Variants in GARNL3 observed in about 807,000 individuals in gnomAD.
The protein encoded by GARNL3 is GTPase-activating Rap/Ran-GAP domain-like protein 3.
A neutral mutation model predicts 125.0 loss-of-function variants in GARNL3; 63 were observed. That is an observed-to-expected ratio of 0.50 (90% CI 0.41 to 0.62). The LOEUF (loss-of-function observed/expected upper bound fraction) is 0.62, where lower values mean the gene tolerates loss of function less well. Ranked by LOEUF, GARNL3 falls within the 20% of genes least tolerant of loss-of-function variation. The pLI is 0.00. For synonymous variants in GARNL3, 439 were observed against 457.5 expected, an observed-to-expected ratio of 0.96 and a Z score of 0.52; for missense variants, 994 against 1,244.0, an observed-to-expected ratio of 0.80 and a Z score of 3.02.
chr9:127,311,012 G>A (rs868147386), intron 2 of GARNL3, among the ~76,000 whole-genome samples: 34 of 152,162 alleles, frequency 2.2e-4, no homozygotes, highest in Middle Eastern at 3.4e-3. Flanking sequence ...GTATGCAAAC[G>A]TGGAATTAGA....
chr9:127,375,894 G>A (rs1280555878), intron 22 of GARNL3, among the ~76,000 whole-genome samples: 4 of 152,208 alleles, frequency 2.6e-5, no homozygotes, highest in African/African-American at 9.6e-5. Flanking sequence ...CAAGAAGCAT[G>A]TGAGTGCACC....
At chr9:127,329,110 A>C (rs985898899) in intron 7 of GARNL3, among the ~76,000 whole-genome samples, 1 of 152,230 alleles carries the variant, frequency 6.6e-6, no homozygotes, top group Non-Finnish European at 1.5e-5. Context: ...ATAATGAGCC[A>C]TACCTTGATT....
chr9:127,391,281 T>C (rs1832818821), intron 27 of GARNL3, among the ~76,000 whole-genome samples: 1 of 147,924 alleles, frequency 6.8e-6, no homozygotes, highest in African/African-American at 2.5e-5. Context: ...CAAGACTTCA[T>C]CTCAAAAAAT....
intron 5 of GARNL3, 123 bp from the exon 6 acceptor site, chr9:127,320,592 T>A: frequency 1.5e-6 from 1 of 647,456 alleles, no homozygotes; most frequent in Non-Finnish European, 2.7e-6. Context: ...TGTTCATTGA[T>A]AACTCATTTG....
chr9:127,360,124 G>T (rs537931953), intron 21 of GARNL3, among the ~76,000 whole-genome samples: 1 of 152,060 alleles, frequency 6.6e-6, no homozygotes, highest in Non-Finnish European at 1.5e-5. Context: ...TGGTTCATGC[G>T]ATTCTCCTGC....
At chr9:127,361,134 G>A (rs1830973301) in intron 21 of GARNL3, among the ~76,000 whole-genome samples, 1 of 152,250 alleles carries the variant, frequency 6.6e-6, no homozygotes, top group African/African-American at 2.4e-5. Flanking sequence ...GCTGAAGGCA[G>A]AGCCAGCTAG....
intron 22 of GARNL3, among the ~76,000 whole-genome samples, chr9:127,374,114 C>T (rs932695562): frequency 2.0e-5 from 3 of 152,110 alleles, no homozygotes; most frequent in Non-Finnish European, 4.4e-5. Context: ...GCAGCCTGAC[C>T]AACATGGTAA....
Position 127,392,627 on chromosome 9 carries a change from A to G in GARNL3, c.2871-456A>G, listed in dbSNP as rs1399957038. On this transcript the variant is annotated intron_variant, in intron 27 of 27. Coordinates refer to ENST00000373387, the MANE Select transcript of GARNL3 (RefSeq NM_032293.5). This position sits in a 1 kb window ranked among gnomAD's most constrained non-coding sequence, Gnocchi z 5.2. ...TTGTGGAATGCATTAACTCTCTGAG[A>G]AGTGGAAACCAATATTGGTCAAATT... 6.6e-6 allele frequency among the ~76,000 whole-genome samples: 1 copy of G among 152,200 alleles called. No homozygotes were observed. The highest frequency in any genetic ancestry group is 1.5e-5 in the Non-Finnish European group (1 of 68,030).
At chr9:127,311,178 C>T (rs2065085973) in intron 2 of GARNL3, among the ~76,000 whole-genome samples, 1 of 151,492 alleles carries the variant, frequency 6.6e-6, no homozygotes, top group Non-Finnish European at 1.5e-5. Flanking sequence ...AGCCACAAAA[C>T]TGTATATTCA....
chr9:127,238,874 C>T (rs1007957680), intron 1 of GARNL3, among the ~76,000 whole-genome samples: 3 of 152,112 alleles, frequency 2.0e-5, no homozygotes, highest in East Asian at 1.9e-4. Flanking sequence ...TCTCCTGGGT[C>T]GTGTACCCAC....
At chr9:127,303,418 G>C (rs1454982029) in intron 2 of GARNL3, among the ~76,000 whole-genome samples, 2 of 152,176 alleles carry the variant, frequency 1.3e-5, no homozygotes, top group Admixed American at 6.5e-5. Context: ...ATGGTTATTA[G>C]AGGGAAAAGA....
chr9:127,368,667 G>A (rs1831433103), intron 22 of GARNL3, among the ~76,000 whole-genome samples: 1 of 149,368 alleles, frequency 6.7e-6, no homozygotes, highest in Admixed American at 6.7e-5. Context: ...AAGTGCAGTG[G>A]CTCACGCCTG....
At position 127,385,038 on chromosome 9, in the gene GARNL3, C is replaced by T; in HGVS notation, c.2281C>T (p.Pro761Ser). The change falls in exon 24 of 28, where the codon CCG becomes TCG. Residue 761 changes from proline (P) to serine (S), a missense_variant. Transcript: ENST00000373387. The surrounding 1 kb of genome is among the most constrained non-coding windows in gnomAD (Gnocchi z 4.1). The part of the protein sequence containing the change: ...QAPYAIVCAF[P>S]YLLAFTTDSM... ...CCGTTCCCTTGCAGTCTGTGCTTTC[C>T]CGTATCTCCTGGCCTTCACCACCGA... 6.2e-7 allele frequency: 1 copy of T among 1,608,248 alleles called. No individual in the cohort carries two copies. Among genetic ancestry groups the T allele is most frequent in the Non-Finnish European group, 8.5e-7 (1 of 1,176,408 alleles).
At chr9:127,323,920 A>G (rs1323281436) in intron 6 of GARNL3, among the ~76,000 whole-genome samples, 1 of 152,234 alleles carries the variant, frequency 6.6e-6, no homozygotes, top group African/African-American at 2.4e-5. Context: ...CCCAATGTAA[A>G]AAATGTGTAA....
At position 127,347,095 on chromosome 9, in the gene GARNL3, G is replaced by A. The variant is rs1830178755; in HGVS notation, c.1431+1618G>A. 2.0e-5 allele frequency among the ~76,000 whole-genome samples: 3 copies of A among 152,282 alleles called. No homozygotes were observed. The South Asian group carries it at 6.2e-4, about 32-fold the overall frequency. On this transcript the variant is annotated intron_variant, in intron 16 of 27. Transcript: ENST00000373387. ...ACCTCACATGGTCACTGGCACCCGT[G>A]TAAAGCAATGGACACCCTGCGTGCA...
intron 20 of GARNL3, among the ~76,000 whole-genome samples, chr9:127,356,726 G>A (rs1830708191): frequency 6.6e-6 from 1 of 152,174 alleles, no homozygotes; most frequent in Admixed American, 6.5e-5. Flanking sequence ...TAAATCTCCT[G>A]AGTTTATATC....
At position 127,271,366 on chromosome 9, in the gene GARNL3, G is replaced by A. The variant is rs111837213; in HGVS notation, c.144+6345G>A. Among the ~76,000 whole-genome samples, 344 of 150,370 alleles carry A rather than the reference G, an allele frequency of 2.3e-3. 21 individuals are homozygous for A. The highest frequency in any genetic ancestry group is 0.017 in the Middle Eastern group (5 of 294). On this transcript the variant is annotated intron_variant, in intron 1 of 27. Coordinates refer to ENST00000373387, the MANE Select transcript of GARNL3 (RefSeq NM_032293.5). ...ATTAGTTACTTAGTAACTATTGATT[G>A]AATGAATGAATGATCCCATTTGGTT...
rs759604148 is a variant in GARNL3, at chr9:127,348,968, C to T, written c.1476C>T (p.Ala492=). 4 of 1,613,724 alleles carry T rather than the reference C, an allele frequency of 2.5e-6. No individual in the cohort carries two copies. Among genetic ancestry groups the T allele is most frequent in the Admixed American group, 1.7e-5 (1 of 59,956 alleles). Residue 492 remains alanine (A), a synonymous_variant, in exon 17 of 28, where the codon GCC becomes GCT. Transcript: ENST00000373387. ...TCTGCAGTAATTTCCCTCATGAAGC[C>T]GTGTGTGCAGATCCCTGGGGCCAGG... ...QCFCSNFPHE[A]VCADPWGQAL... is the part of the protein sequence containing the mutation.
intron 22 of GARNL3, among the ~76,000 whole-genome samples, chr9:127,369,355 C>T (rs1463674147): frequency 6.6e-6 from 1 of 152,182 alleles, no homozygotes; most frequent in African/African-American, 2.4e-5. Flanking sequence ...TGCCCAGTGA[C>T]CTGGATGTGC....
Sources: allele counts gnomAD v4.1 joint callset (sites outside exome capture counted in the v4.1 genomes callset), GRCh38; gene constraint gnomAD v4.1.1; non-coding constraint Gnocchi (gnomAD v3.1); transcripts MANE v1.5; gene names NCBI Gene and HGNC (gene_info 2026-07-23, HGNC 2026-07-21).